The following ITIH2 variants were observed in gnomAD, a reference collection of about 807,000 sequenced individuals.
ITIH2 encodes the protein inter-alpha-trypsin inhibitor heavy chain 2, also known as inter-alpha-trypsin inhibitor heavy chain H2.
A neutral mutation model predicts 104.4 loss-of-function variants in ITIH2; 103 were observed. The observed-to-expected ratio is 0.99, with a 90% CI of 0.84 to 1.16. The LOEUF (loss-of-function observed/expected upper bound fraction) is 1.16, where lower values mean the gene tolerates loss of function less well. Among genes scored for constraint, ITIH2 ranks in the 50% most tolerant of loss-of-function variants. The pLI is 0.00. For missense variants in ITIH2, 1,108 were observed against 1,162.4 expected, an observed-to-expected ratio of 0.95 and a Z score of 0.68; for synonymous variants, 436 against 435.4, an observed-to-expected ratio of 1.00 and a Z score of -0.02.
chr10:7,730,644 A>T (rs1250995430), intron 12 of ITIH2, among the ~76,000 whole-genome samples: 2 of 152,214 alleles, frequency 1.3e-5, no homozygotes, highest in African/African-American at 4.8e-5. Context: ...ACATAGTGAG[A>T]TCCATCTGTT....
At chr10:7,737,451 G>T (rs1483577224) in intron 15 of ITIH2, among the ~76,000 whole-genome samples, 2 of 128,174 alleles carry the variant, frequency 1.6e-5, no homozygotes, top group African/African-American at 3.0e-5. Flanking sequence ...ATATATAACA[G>T]ATAACGTATA....
At chr10:7,712,731 C>G (rs1384544076) in intron 4 of ITIH2, among the ~76,000 whole-genome samples, 1 of 152,170 alleles carries the variant, frequency 6.6e-6, no homozygotes, top group Non-Finnish European at 1.5e-5. Context: ...TTGAATGCCT[C>G]CCTTCTTATT....
chr10:7,705,009 A>G, intron 1 of ITIH2, 99 bp from the exon 2 acceptor site: 1 of 719,298 alleles, frequency 1.4e-6, no homozygotes, highest in Non-Finnish European at 2.3e-6. Flanking sequence ...AACATGGCAC[A>G]TGTATACCTA....
intron 9 of ITIH2, among the ~76,000 whole-genome samples, chr10:7,725,884 G>A (rs1179520104): frequency 6.6e-6 from 1 of 152,138 alleles, no homozygotes; most frequent in East Asian, 1.9e-4. Context: ...CCAATATTGG[G>A]AATTTGGGAA....
intron 11 of ITIH2, 74 bp from the exon 12 acceptor site, chr10:7,729,878 C>A: frequency 2.9e-6 from 3 of 1,025,144 alleles, no homozygotes; most frequent in Non-Finnish European, 4.3e-6. Flanking sequence ...TACTAAACTG[C>A]CCTCCCTGGA....
chr10:7,712,276 T>C (rs1160632780), intron 4 of ITIH2, among the ~76,000 whole-genome samples: 3 of 152,136 alleles, frequency 2.0e-5, no homozygotes, highest in Non-Finnish European at 2.9e-5. Context: ...TCAGTCAAGA[T>C]GGAAAGAGAT....
Position 7,734,987 on chromosome 10 carries a change from A to G in ITIH2, c.1853A>G (p.Asp618Gly). 6.2e-7 allele frequency: 1 copy of G among 1,613,942 alleles called. No homozygotes were observed. Among genetic ancestry groups the G allele is most frequent in the Non-Finnish European group, 8.5e-7 (1 of 1,180,012 alleles). ...AGATCGATCCTGCAGATGTCTCTAG[A>G]CCACCACATTGTGACTCCGCTGACC... ...ITRSILQMSL[D>G]HHIVTPLTSL... Residue 618 changes from aspartate (D) to glycine (G), a missense_variant, in exon 15 of 21, where the codon GAC (aspartate) becomes GGC (glycine). By Grantham distance (94) the Asp-to-Gly change is moderately conservative. Transcript: ENST00000358415.
intron 16 of ITIH2, 114 bp from the exon 17 acceptor site, chr10:7,743,032 G>A: frequency 1.5e-6 from 1 of 651,148 alleles, no homozygotes; most frequent in Non-Finnish European, 2.7e-6. Context: ...GCATGTAGGA[G>A]AAGCACAATA....
chr10:7,734,890 T>A lies in ITIH2; in HGVS notation c.1788-32T>A, dbSNP rs76526090. The A allele has an allele frequency of 4.8e-3, 7,632 of 1,574,364 alleles. 216 individuals are homozygous for A. The African/African-American group carries it at 0.069, about 14-fold the overall frequency. On this transcript the variant is annotated intron_variant, in intron 14 of 20. Transcript: ENST00000358415. The stretch of plus-strand genomic sequence containing the variant: ...TTGCGCTCCCCCTCCAATGCAGCCA[T>A]GCTCCATAACACCTCTACTTCTTGA...
At chr10:7,733,797 T>C (rs1247007647) in intron 14 of ITIH2, among the ~76,000 whole-genome samples, 1 of 152,014 alleles carries the variant, frequency 6.6e-6, no homozygotes, top group Non-Finnish European at 1.5e-5. Context: ...CTCAGGAAGG[T>C]GGAACAGGGT....
chr10:7,720,765 G>C (rs1303705937), intron 6 of ITIH2, 91 bp from the exon 7 acceptor site: 1 of 768,524 alleles, frequency 1.3e-6, no homozygotes, highest in Non-Finnish European at 2.3e-6. Context: ...GAGGAGAAAA[G>C]CATCAGAGGA....
chr10:7,743,919 TATAAA>T (rs1835150938), intron 17 of ITIH2, among the ~76,000 whole-genome samples, 158 bp from the exon 18 acceptor site: 1 of 152,132 alleles, frequency 6.6e-6, no homozygotes, highest in Non-Finnish European at 1.5e-5. Flanking sequence ...ATTAACATGT[TATAAA>T]ATGAGAATCA....
chr10:7,707,130 A>G (rs1834754404), intron 2 of ITIH2, 71 bp from the exon 3 acceptor site: 3 of 1,080,854 alleles, frequency 2.8e-6, no homozygotes, highest in Non-Finnish European at 4.1e-6. Context: ...TTTGACTGAG[A>G]AAACGGTTTT....
At position 7,746,771 on chromosome 10, in the gene ITIH2, T is replaced by C. The variant is rs1007391061; in HGVS notation, c.2693+67T>C. 55 of 944,836 alleles carry C rather than the reference T, an allele frequency of 5.8e-5. No individual in the cohort carries two copies. In the Middle Eastern group the frequency reaches 2.1e-3, roughly 36 times the overall value. The allele number at this position is 944,836 out of a possible 1,614,324, so 58.5% of individuals were successfully genotyped here. On this transcript the variant is annotated intron_variant, in intron 20 of 20. Transcript: ENST00000358415. Reference sequence around the variant, plus strand: ...TTAGAATTAGACCCACACAGCAAAATAGAGGAGCAAAGAAGAAGTGTCGTA... The same window carrying C: ...TTAGAATTAGACCCACACAGCAAAACAGAGGAGCAAAGAAGAAGTGTCGTA...
intron 15 of ITIH2, among the ~76,000 whole-genome samples, chr10:7,737,230 TCAAA>T (rs752499534): frequency 1.3e-5 from 2 of 151,124 alleles, no homozygotes; most frequent in Non-Finnish European, 2.9e-5. Context: ...AAATTGCCTT[TCAAA>T]CAGTCCATGC....
intron 17 of ITIH2, among the ~76,000 whole-genome samples, chr10:7,743,501 C>T (rs995127808): frequency 3.3e-5 from 5 of 152,072 alleles, no homozygotes; most frequent in South Asian, 2.1e-4. Flanking sequence ...GAGCCAGGAA[C>T]GGTGGCTTAC....
rs1311506260 is a variant in ITIH2 at position 7,731,883 on chromosome 10, G to A, written c.1534G>A (p.Asp512Asn). 2 of 1,613,810 alleles carry A rather than the reference G, an allele frequency of 1.2e-6. No individual in the cohort carries two copies. Among genetic ancestry groups the A allele is most frequent in the African/African-American group, 2.7e-5 (2 of 74,874 alleles). Residue 512 changes from aspartate to asparagine, a missense_variant, in exon 13 of 21, where the codon GAC (aspartate) becomes AAC (asparagine). By Grantham distance (23) the Asp-to-Asn change is conservative. Coordinates refer to ENST00000358415, the MANE Select transcript of ITIH2 (RefSeq NM_002216.3). ...CAACTATCCCCATACATCAGTCACG[G>A]ACGTCACTCAAAACAATTTCCATAA... ...QFNYPHTSVT[D>N]VTQNNFHNYF... is the part of the protein sequence containing the mutation.
intron 17 of ITIH2, 150 bp from the exon 18 acceptor site, chr10:7,743,932 T>A (rs1041236602): frequency 4.6e-6 from 2 of 437,634 alleles, no homozygotes; most frequent in African/African-American, 4.0e-5. Context: ...AAAATGAGAA[T>A]CACAAAGAAG....
intron 5 of ITIH2, among the ~76,000 whole-genome samples, chr10:7,714,956 C>T (rs1834834038): frequency 6.6e-6 from 1 of 152,156 alleles, no homozygotes; most frequent in African/African-American, 2.4e-5. Flanking sequence ...ATAACAGTGA[C>T]TTGGGCATCG....
Sources: allele counts gnomAD v4.1 joint callset (sites outside exome capture counted in the v4.1 genomes callset), GRCh38; gene constraint gnomAD v4.1.1; transcripts MANE v1.5; gene names NCBI Gene and HGNC (gene_info 2026-07-23, HGNC 2026-07-21).